Variants in DCC observed in about 807,000 individuals in gnomAD.
DCC encodes netrin receptor DCC.
Under a neutral mutation model 172.5 loss-of-function variants are expected in DCC, and 58 were observed. That is an observed-to-expected ratio of 0.34 (90% CI 0.27 to 0.42). The LOEUF (loss-of-function observed/expected upper bound fraction) is 0.42. Ranked by LOEUF, DCC falls within the 10% of genes least tolerant of loss-of-function variation. The probability of loss-of-function intolerance (pLI) is 1.00; values close to 1 mark genes in which losing one functional copy is unlikely to be tolerated. For synonymous variants in DCC, 709 were observed against 644.5 expected (o/e 1.10, Z -1.52); for missense variants, 1,740 against 1,791.0 (o/e 0.97, Z 0.51).
intron 12 of DCC, among the ~76,000 whole-genome samples, chr18:53,288,682 T>G (rs1429190861): frequency 6.6e-6 from 1 of 152,144 alleles, no homozygotes; most frequent in African/African-American, 2.4e-5. Context: ...ACATATCTAA[T>G]TGAAATACTG....
At chr18:53,013,539 C>T (rs770198309) in intron 5 of DCC, among the ~76,000 whole-genome samples, 4 of 151,412 alleles carry the variant, frequency 2.6e-5, no homozygotes, top group South Asian at 2.1e-4. Context: ...AGGGCATTAT[C>T]GGGGGGTGGG....
intron 1 of DCC, among the ~76,000 whole-genome samples, chr18:52,486,918 A>G (rs2030252571): frequency 6.6e-6 from 1 of 152,178 alleles, no homozygotes; most frequent in Non-Finnish European, 1.5e-5. Flanking sequence ...CATATGAGAC[A>G]TATGCTATTG....
At chr18:52,411,819 A>G (rs1034466079) in intron 1 of DCC, among the ~76,000 whole-genome samples, 5 of 152,156 alleles carry the variant, frequency 3.3e-5, no homozygotes, top group African/African-American at 1.2e-4. Context: ...AGATCGATAG[A>G]TTAAAAATGC....
At chr18:53,218,866 CTTAA>C (rs1349596396) in intron 12 of DCC, among the ~76,000 whole-genome samples, 1 of 151,892 alleles carries the variant, frequency 6.6e-6, no homozygotes, top group Non-Finnish European at 1.5e-5. Context: ...CATACTACAA[CTTAA>C]TTAGTTGGCT....
At chr18:52,388,094 C>T (rs1158877162) in intron 1 of DCC, among the ~76,000 whole-genome samples, 1 of 151,954 alleles carries the variant, frequency 6.6e-6, no homozygotes, top group African/African-American at 2.4e-5. Flanking sequence ...GGCATGAAAG[C>T]CTAGAATAAC....
At chr18:53,229,763 A>T (rs558602059) in intron 12 of DCC, among the ~76,000 whole-genome samples, 1 of 152,208 alleles carries the variant, frequency 6.6e-6, no homozygotes, top group South Asian at 2.1e-4. Context: ...AGGACACCAC[A>T]GGAAAAAAAA....
chr18:52,909,987 T>A (rs1431557692), intron 3 of DCC, among the ~76,000 whole-genome samples: 1 of 152,114 alleles, frequency 6.6e-6, no homozygotes, highest in African/African-American at 2.4e-5. Context: ...CAAAAGCTTT[T>A]CAGGCGAACT....
intron 1 of DCC, among the ~76,000 whole-genome samples, chr18:52,553,709 T>TA (rs1264166714): frequency 6.6e-6 from 1 of 151,956 alleles, no homozygotes; most frequent in African/African-American, 2.4e-5. Flanking sequence ...AAAGGGGGTC[T>TA]AGAGGAGAGT....
At chr18:52,903,645 T>A (rs1471802454) in intron 2 of DCC, among the ~76,000 whole-genome samples, 2 of 152,248 alleles carry the variant, frequency 1.3e-5, no homozygotes, top group African/African-American at 2.4e-5. Flanking sequence ...CTTGTGTATA[T>A]TGGAAAATTA....
At chr18:53,118,512 AT>A (rs1232402796) in intron 7 of DCC, among the ~76,000 whole-genome samples, 1 of 151,854 alleles carries the variant, frequency 6.6e-6, no homozygotes, top group East Asian at 2.0e-4. Flanking sequence ...ATATTGTTAA[AT>A]TTCCAACACT....
At chr18:53,127,447 G>A (rs1250776944) in intron 7 of DCC, among the ~76,000 whole-genome samples, 3 of 152,006 alleles carry the variant, frequency 2.0e-5, no homozygotes, top group African/African-American at 7.2e-5. Flanking sequence ...GATATTGCCG[G>A]TGTTCTCCCA....
rs937361258 is a variant in DCC at position 53,263,716 on chromosome 18, A to C, written c.1912-41862A>C. ...AATATAGTTTTGGTTTTGCATTATA[A>C]TATTTAAAATACATGTCAATCATAT... On this transcript the variant is annotated intron_variant, in intron 12 of 28. Transcript: ENST00000442544. 1.2e-4 allele frequency among the ~76,000 whole-genome samples: 18 copies of C among 152,216 alleles called. 1 individual carries two copies. The East Asian group carries it at 3.5e-3, about 29-fold the overall frequency.
chr18:53,140,384 G>T (rs1348583468), intron 7 of DCC, among the ~76,000 whole-genome samples: 1 of 152,198 alleles, frequency 6.6e-6, no homozygotes, highest in Non-Finnish European at 1.5e-5. Context: ...TTAGGATGAT[G>T]TTTCCGTATG....
intron 5 of DCC, among the ~76,000 whole-genome samples, chr18:52,971,640 G>A (rs746404803): frequency 6.6e-6 from 1 of 152,010 alleles, no homozygotes; most frequent in South Asian, 2.1e-4. Flanking sequence ...GGGAGATGGG[G>A]GAGAGGTGGT....
At chr18:52,619,161 C>T (rs1234547789) in intron 1 of DCC, among the ~76,000 whole-genome samples, 1 of 152,194 alleles carries the variant, frequency 6.6e-6, no homozygotes, top group African/African-American at 2.4e-5. Flanking sequence ...TGGTCTCAAA[C>T]TCCTGACCTC....
chr18:53,098,022 T>C (rs2043112261), intron 7 of DCC, among the ~76,000 whole-genome samples: 1 of 152,132 alleles, frequency 6.6e-6, no homozygotes, highest in African/African-American at 2.4e-5. Context: ...AGCTGATGCC[T>C]TCTCAGATTA....
At chr18:52,774,796 G>T (rs1568094812) in intron 2 of DCC, among the ~76,000 whole-genome samples, 1 of 152,250 alleles carries the variant, frequency 6.6e-6, no homozygotes, top group Middle Eastern at 3.4e-3. Flanking sequence ...GAGTGTCTGC[G>T]GCTGTCGAGG....
intron 15 of DCC, among the ~76,000 whole-genome samples, chr18:53,351,754 A>G (rs1288546570): frequency 6.6e-6 from 1 of 151,716 alleles, no homozygotes; most frequent in Non-Finnish European, 1.5e-5. Context: ...TATCTGAGTC[A>G]GAATAGCTTA....
intron 5 of DCC, among the ~76,000 whole-genome samples, chr18:52,976,374 TG>T (rs757990076): frequency 2.2e-4 from 34 of 152,184 alleles, no homozygotes; most frequent in Non-Finnish European, 4.1e-4. Context: ...TGTCAATTTT[TG>T]CTTTTGTTGC....
Sources: gnomAD v4.1 joint callset for allele counts (sites outside exome capture counted in the v4.1 genomes callset) on GRCh38, gnomAD v4.1.1 for gene constraint, MANE v1.5 for transcripts, NCBI Gene and HGNC (gene_info 2026-07-23, HGNC 2026-07-21) for gene names.